Variants in MGAT4C observed in about 807,000 individuals in gnomAD.
The protein encoded by MGAT4C is MGAT4 family member C.
In MGAT4C, 19 loss-of-function variants were observed where a neutral mutation model predicts 40.1. The ratio of observed to expected loss-of-function variants is 0.47; its 90% CI spans 0.33 to 0.70. The LOEUF (loss-of-function observed/expected upper bound fraction) is 0.70. MGAT4C is among the 30% of genes least tolerant of loss of function. The pLI, the probability that MGAT4C is intolerant of heterozygous loss-of-function variation, is 0.02. For missense variants in MGAT4C, 491 were observed against 563.2 expected (o/e 0.87, Z 1.30); for synonymous variants, 181 against 187.1 (o/e 0.97, Z 0.27).
intron 2 of MGAT4C, chr12:86,013,765 G>GAA (rs199552277): frequency 2.8e-4 from 228 of 809,274 alleles, no homozygotes; most frequent in South Asian, 8.1e-4. Flanking sequence ...GAATCTTAGT[G>GAA]AAAAAAAAAA....
At chr12:86,200,154 GC>G (rs1949995995) in intron 1 of MGAT4C, among the ~76,000 whole-genome samples, 3 of 103,168 alleles carry the variant, frequency 2.9e-5, no homozygotes, top group Non-Finnish European at 6.2e-5. Context: ...TTTTGATCTG[GC>G]TTTTGTTTTT....
At chr12:86,437,289 T>C (rs777631071) in intron 2 of MGAT4C, among the ~76,000 whole-genome samples, 9 of 151,834 alleles carry the variant, frequency 5.9e-5, no homozygotes, top group Non-Finnish European at 1.0e-4. Flanking sequence ...TTTGTATTTA[T>C]ATATACCTAT....
intron 4 of MGAT4C, among the ~76,000 whole-genome samples, chr12:86,264,616 G>C (rs1185302544): frequency 4.6e-5 from 7 of 152,190 alleles, no homozygotes; most frequent in Non-Finnish European, 1.0e-4. Flanking sequence ...GCGGACCCGG[G>C]CATTTCTGTG....
At chr12:86,533,833 C>T (rs1959025182) in intron 2 of MGAT4C, among the ~76,000 whole-genome samples, 1 of 150,790 alleles carries the variant, frequency 6.6e-6, no homozygotes, top group African/African-American at 2.4e-5. Flanking sequence ...CCACCCCCAA[C>T]ATTTCTCATT....
At chr12:86,535,332 GATTAT>G (rs1959050423) in intron 2 of MGAT4C, among the ~76,000 whole-genome samples, 3 of 152,028 alleles carry the variant, frequency 2.0e-5, no homozygotes, top group South Asian at 4.1e-4. Context: ...AAGATAAACA[GATTAT>G]ATTTGTCTAC....
Position 85,962,542 on chromosome 12 carries a change from C to T in MGAT4C, c.*16747G>A, listed in dbSNP as rs181429972. On this transcript the variant is annotated 3_prime_UTR_variant, in exon 5 of 5. Coordinates refer to ENST00000611864, the MANE Select transcript of MGAT4C (RefSeq NM_001351288.2). The stretch of plus-strand genomic sequence containing the variant: ...TATGGTTATTACTAAATGTATAATA[C>T]ATTTAGTAATGTGATTTGACAAATC... 1.7e-3 allele frequency: 260 copies of T among 149,968 alleles called. 1 individual carries two copies. Among genetic ancestry groups the T allele is most frequent in the African/African-American group, 5.9e-3 (241 of 41,178 alleles). The allele number at this position is 149,968 out of a possible 1,614,324, so 9.3% of individuals were successfully genotyped here.
intron 4 of MGAT4C, among the ~76,000 whole-genome samples, chr12:86,333,275 A>T (rs1954712784): frequency 6.6e-6 from 1 of 152,180 alleles, no homozygotes; most frequent in South Asian, 2.1e-4. Flanking sequence ...TGGGGAAAAA[A>T]ATTCCCCTTA....
At chr12:85,986,169 G>A (rs1885177002) in intron 3 of MGAT4C, among the ~76,000 whole-genome samples, 1 of 152,138 alleles carries the variant, frequency 6.6e-6, no homozygotes, top group Non-Finnish European at 1.5e-5. Flanking sequence ...ACTTTCACCT[G>A]AGTCAGCCTT....
At chr12:86,034,301 T>A (rs7310533) in intron 2 of MGAT4C, among the ~76,000 whole-genome samples, 32,289 of 148,906 alleles carry the variant, frequency 0.22, 6,075 homozygotes, top group Non-Finnish European at 0.31. Context: ...TCTCTTCAAA[T>A]TTTTGGAATA....
rs1383460772 is a variant in MGAT4C, at chr12:85,964,663, A to AT, written c.*14625dup. 7.9e-5 allele frequency: 12 copies of AT among 152,086 alleles called. No individual in the cohort carries two copies. Among genetic ancestry groups the AT allele is most frequent in the Non-Finnish European group, 1.6e-4 (11 of 67,986 alleles). 9.4% of individuals were successfully genotyped at this position (152,086 alleles called of 1,614,324 possible). A position where few individuals can be genotyped will look rare whatever the true frequency, so the allele number is the denominator to read the frequency against. ...TGCTTCTCCTCTGAAAACTACCATTATTTTTGCCAAATATTGTAGCTTAGT... is the reference window on the plus strand; with the variant it reads ...TGCTTCTCCTCTGAAAACTACCATTATTTTTTGCCAAATATTGTAGCTTAGT... On this transcript the variant is annotated 3_prime_UTR_variant, in exon 5 of 5. Coordinates refer to ENST00000611864, the MANE Select transcript of MGAT4C (RefSeq NM_001351288.2).
chr12:86,365,702 T>C (rs1390683173), intron 3 of MGAT4C, among the ~76,000 whole-genome samples: 1 of 151,152 alleles, frequency 6.6e-6, no homozygotes, highest in Non-Finnish European at 1.5e-5. Flanking sequence ...TTTTTTTCTC[T>C]GAAGATCAAA....
intron 2 of MGAT4C, among the ~76,000 whole-genome samples, chr12:86,033,816 C>A (rs1236068742): frequency 2.0e-5 from 3 of 149,658 alleles, no homozygotes; most frequent in Admixed American, 1.3e-4. Context: ...AAGAGGGTAT[C>A]CTTTTCTTGC....
rs539594784 is a variant in MGAT4C at position 86,756,461 on chromosome 12, T to C, written c.-261-29220A>G. 4.6e-5 allele frequency among the ~76,000 whole-genome samples: 7 copies of C among 152,176 alleles called. No homozygotes were observed. The South Asian group carries it at 1.0e-3, about 23-fold the overall frequency. ...GGGGGCATAATTCAATCCACAGAGA[T>C]ATGCTCCCCTCTAAATAACACTAAT... On this transcript the variant is annotated intron_variant, in intron 1 of 7. Coordinates refer to the MGAT4C transcript ENST00000548651.
At chr12:86,637,046 A>G (rs1357769241) in intron 2 of MGAT4C, among the ~76,000 whole-genome samples, 1 of 151,900 alleles carries the variant, frequency 6.6e-6, no homozygotes, top group Non-Finnish European at 1.5e-5. Context: ...AGGATTATAC[A>G]TCACCTTTAG....
chr12:86,468,473 C>T (rs1018128699), intron 2 of MGAT4C, among the ~76,000 whole-genome samples: 43 of 151,966 alleles, frequency 2.8e-4, no homozygotes, highest in African/African-American at 9.4e-4. Context: ...TTCTCTCCAC[C>T]CCATATCCAC....
intron 2 of MGAT4C, among the ~76,000 whole-genome samples, chr12:86,671,380 T>G (rs994288): frequency 0.77 from 117,654 of 152,088 alleles, 46,990 homozygotes; most frequent in Middle Eastern, 0.88. Context: ...AAAGGTCAAG[T>G]CACATACAAA....
intron 2 of MGAT4C, among the ~76,000 whole-genome samples, chr12:86,683,219 T>A (rs184846574): frequency 1.3e-5 from 2 of 152,238 alleles, no homozygotes; most frequent in East Asian, 1.9e-4. Context: ...GAAACGGAAC[T>A]CTATTTGGCA....
At chr12:86,469,265 G>C (rs1436124467) in intron 2 of MGAT4C, among the ~76,000 whole-genome samples, 1 of 152,086 alleles carries the variant, frequency 6.6e-6, no homozygotes, top group Non-Finnish European at 1.5e-5. Context: ...GTTGTGTAAG[G>C]CTTCTTGTTG....
chr12:86,375,290 T>C lies in MGAT4C; in HGVS notation c.-119-41163A>G, dbSNP rs576014203. Among the ~76,000 whole-genome samples the C allele has an allele frequency of 3.3e-5, 5 of 152,270 alleles. No individual in the cohort carries two copies. The East Asian group carries it at 9.7e-4, about 29-fold the overall frequency. On this transcript the variant is annotated intron_variant, in intron 3 of 7. Transcript: ENST00000548651. ...ACTGGAAATAATAGTAGAGAAAGAA[T>C]GGAGAAATTACATGGAGATTCTATG...
Sources: allele counts gnomAD v4.1 joint callset (sites outside exome capture counted in the v4.1 genomes callset), GRCh38; gene constraint gnomAD v4.1.1; transcripts MANE v1.5; gene names NCBI Gene and HGNC (gene_info 2026-07-23, HGNC 2026-07-21).